WT1: variants seen among roughly 807,000 people sequenced by gnomAD.
The protein encoded by WT1 is WT1 transcription factor.
In WT1, 8 loss-of-function variants were observed where a neutral mutation model predicts 60.8. The observed-to-expected ratio is 0.13, with a 90% CI of 0.08 to 0.24. WT1 has a LOEUF of 0.24. WT1 is among the 10% of genes least tolerant of loss of function. The pLI, the probability that WT1 is intolerant of heterozygous loss-of-function variation, is 1.00. For synonymous variants in WT1, 312 were observed against 297.1 expected, an observed-to-expected ratio of 1.05 and a Z score of -0.52; for missense variants, 568 against 711.8, an observed-to-expected ratio of 0.80 and a Z score of 2.30.
intron 5 of WT1, among the ~76,000 whole-genome samples, chr11:32,407,160 A>G (rs568859787): frequency 1.1e-4 from 16 of 152,316 alleles, no homozygotes; most frequent in African/African-American, 3.8e-4. Context: ...GTTTGCAAAA[A>G]GAGAAAAATG....
intron 5 of WT1, among the ~76,000 whole-genome samples, chr11:32,402,741 G>A (rs1852194038): frequency 6.6e-6 from 1 of 152,110 alleles, no homozygotes; most frequent in Non-Finnish European, 1.5e-5. Context: ...TAGAAACAGG[G>A]TCTTGCTAAG....
At chr11:32,419,055 A>C (rs1852771730) in intron 3 of WT1, among the ~76,000 whole-genome samples, 1 of 152,142 alleles carries the variant, frequency 6.6e-6, no homozygotes, top group South Asian at 2.1e-4. Context: ...CCTACATATC[A>C]ATGAAAAAAA....
intron 3 of WT1, among the ~76,000 whole-genome samples, chr11:32,420,612 AG>A (rs1204776001): frequency 1.3e-5 from 2 of 151,968 alleles, no homozygotes; most frequent in Non-Finnish European, 2.9e-5. Context: ...GGCATGCCTG[AG>A]CCCCCACCCT....
chr11:32,413,323 A>G (rs368023655), intron 5 of WT1, among the ~76,000 whole-genome samples: 2 of 152,224 alleles, frequency 1.3e-5, no homozygotes, highest in East Asian at 3.9e-4. Context: ...ATGAATGAAC[A>G]CAAAAAGTTA....
At chr11:32,430,563 G>A (rs1162258439) in intron 1 of WT1, 3 of 1,610,644 alleles carry the variant, frequency 1.9e-6, no homozygotes, top group Non-Finnish European at 2.5e-6. Context: ...AGTAGGCAGG[G>A]ACCCAGGGCA....
intron 5 of WT1, among the ~76,000 whole-genome samples, chr11:32,409,398 C>G (rs571237484): frequency 6.6e-5 from 10 of 151,868 alleles, no homozygotes; most frequent in Non-Finnish European, 1.2e-4. Context: ...AAAATACAAA[C>G]CAGAGAAAAT....
At chr11:32,408,690 A>G (rs1458003058) in intron 5 of WT1, among the ~76,000 whole-genome samples, 4 of 152,114 alleles carry the variant, frequency 2.6e-5, no homozygotes, top group Non-Finnish European at 5.9e-5. Flanking sequence ...ACAATCTGCC[A>G]AATCCAGACT....
In WT1 at chr11:32,434,989, C is replaced by T; in HGVS notation, c.372G>A (p.Leu124=). The T allele has an allele frequency of 6.6e-7, 1 of 1,510,856 alleles. No homozygotes were observed. Among genetic ancestry groups the T allele is most frequent in the Non-Finnish European group, 8.8e-7 (1 of 1,137,428 alleles). The allele number at this position is 1,510,856 out of a possible 1,614,324, so 93.6% of individuals were successfully genotyped here. A position where few individuals can be genotyped will look rare whatever the true frequency, so the allele number is the denominator to read the frequency against. ...GAGCCGGTGGCGGCGCGGGGCCGCC[C>T]AACGACCCGTAAGCCGAAGCGCCCG... Residue 124 remains leucine, a synonymous_variant, in exon 1 of 10, where the codon TTG becomes TTA. Transcript: ENST00000452863.
chr11:32,396,360 T>C lies in WT1; in HGVS notation c.1161A>G (p.Ala387=), dbSNP rs141834493. The C allele has an allele frequency of 7.7e-5, 124 of 1,614,206 alleles. No individual in the cohort carries two copies. In the African/African-American group the frequency reaches 1.6e-3, roughly 21 times the overall value. ...AGGGGCGTTTCTCACTGGTCTCAGATGCCGACCGTACAAGAGTCGGGGCTA... is the reference window on the plus strand; with the variant it reads ...AGGGGCGTTTCTCACTGGTCTCAGACGCCGACCGTACAAGAGTCGGGGCTA... Residue 387 remains alanine (A), a synonymous_variant, in exon 7 of 10, where the codon GCA becomes GCG. Transcript: ENST00000452863.
intron 7 of WT1, among the ~76,000 whole-genome samples, chr11:32,395,450 G>A (rs1451956755): frequency 6.6e-6 from 1 of 150,890 alleles, no homozygotes; most frequent in African/African-American, 2.4e-5. Context: ...TATCTTCAAA[G>A]ATAAAAAATC....
intron 3 of WT1, among the ~76,000 whole-genome samples, chr11:32,424,056 G>A (rs1852941702): frequency 6.6e-6 from 1 of 151,898 alleles, no homozygotes; most frequent in South Asian, 2.1e-4. Flanking sequence ...CAGCTACTTG[G>A]GAGGCTGAGG....
At chr11:32,434,580 C>T in intron 1 of WT1, 120 bp downstream of exon 1, 1 of 1,549,046 alleles carries the variant, frequency 6.5e-7, no homozygotes, top group South Asian at 1.2e-5. Flanking sequence ...TCCTCACGGC[C>T]CTTGGGAAGC....
chr11:32,404,268 C>CAAAA (rs61611336), intron 5 of WT1, among the ~76,000 whole-genome samples: 5 of 89,302 alleles, frequency 5.6e-5, no homozygotes, highest in Non-Finnish European at 9.6e-5. Context: ...GACTCTGTCT[C>CAAAA]AAAAAAAAAA....
intron 3 of WT1, 43 bp downstream of exon 3, chr11:32,427,913 C>G (rs745596305): frequency 1.3e-6 from 2 of 1,565,314 alleles, no homozygotes; most frequent in South Asian, 2.3e-5. Flanking sequence ...GCGTCCCCTC[C>G]GGGGTCCCAA....
Position 32,395,714 on chromosome 11 carries a change from G to A in WT1, c.1264+543C>T, listed in dbSNP as rs569299607. Among the ~76,000 whole-genome samples the A allele has an allele frequency of 6.6e-5, 10 of 151,916 alleles. No individual in the cohort carries two copies. In the South Asian group the frequency reaches 2.1e-3, roughly 32 times the overall value. On this transcript the variant is annotated intron_variant, in intron 7 of 9. Transcript: ENST00000452863. ...TGACCTTGGGTGATCCACCCACTTC[G>A]GCCTCCCAAAGTGCTGGGATTACAG...
At chr11:32,418,310 A>C (rs1852745594) in intron 3 of WT1, among the ~76,000 whole-genome samples, 1 of 151,518 alleles carries the variant, frequency 6.6e-6, no homozygotes, top group Admixed American at 6.6e-5. Context: ...CATTTACATT[A>C]AGACTCCAAA....
intron 3 of WT1, 68 bp from the exon 4 acceptor site, chr11:32,417,722 G>A: frequency 5.0e-6 from 7 of 1,392,340 alleles, no homozygotes; most frequent in East Asian, 2.3e-5. Context: ...TTCTTCAAAA[G>A]CAATGGAGTT....
chr11:32,425,903 G>A (rs551466958), intron 3 of WT1, among the ~76,000 whole-genome samples: 1 of 152,326 alleles, frequency 6.6e-6, no homozygotes, highest in East Asian at 1.9e-4. Context: ...TAGAAAACGT[G>A]AAAATTTATG....
intron 1 of WT1, 99 bp from the exon 2 acceptor site, chr11:32,428,718 C>T (rs1276851005): frequency 2.0e-6 from 3 of 1,532,506 alleles, no homozygotes; most frequent in Non-Finnish European, 2.6e-6. Flanking sequence ...GTGCGCTGAA[C>T]CCCGCATTCG....
Sources: gnomAD v4.1 joint callset for allele counts (sites outside exome capture counted in the v4.1 genomes callset) on GRCh38, gnomAD v4.1.1 for gene constraint, MANE v1.5 for transcripts, NCBI Gene and HGNC (gene_info 2026-07-23, HGNC 2026-07-21) for gene names.